CARMIL3: variants seen among roughly 807,000 people sequenced by gnomAD.
CARMIL3 encodes the protein capping protein, Arp2/3 and myosin-I linker protein 3.
CARMIL3 carries 88 observed loss-of-function variants against 180.8 expected under a neutral mutation model. The observed-to-expected ratio is 0.49, with a 90% CI of 0.41 to 0.58. The LOEUF (loss-of-function observed/expected upper bound fraction) is 0.58. Ranked by LOEUF, CARMIL3 falls within the 20% of genes least tolerant of loss-of-function variation. The pLI, the probability that CARMIL3 is intolerant of heterozygous loss-of-function variation, is 0.00. For synonymous variants in CARMIL3, 696 were observed against 714.5 expected (o/e 0.97, Z 0.41); for missense variants, 1,548 against 1,787.0 (o/e 0.87, Z 2.41).
At position 24,065,130 on chromosome 14, in the gene CARMIL3, C is replaced by T; in HGVS notation, c.3253C>T (p.Pro1085Ser). The T allele has an allele frequency of 1.4e-6, 2 of 1,460,980 alleles. No homozygotes were observed. Among genetic ancestry groups the T allele is most frequent in the Non-Finnish European group, 1.8e-6 (2 of 1,105,788 alleles). The allele number at this position is 1,460,980 out of a possible 1,614,324, so 90.5% of individuals were successfully genotyped here. The part of the protein sequence containing the change: ...TGLLLPPPPP[P>S]PPTQESPPSP... The stretch of plus-strand genomic sequence containing the variant: ...ACTCCTCCTCCCTCCACCCCCACCC[C>T]CTCCCCCGACTCAGGAGAGCCCCCC... The change falls in exon 33 of 40, where the codon CCT becomes TCT. Residue 1085 changes from proline to serine, a missense_variant. Coordinates refer to ENST00000342740, the MANE Select transcript of CARMIL3 (RefSeq NM_138360.4).
chr14:24,061,077 C>T lies in CARMIL3; in HGVS notation c.2304+37C>T. On this transcript the variant is annotated intron_variant, in intron 26 of 39. Transcript: ENST00000342740. This position sits in a 1 kb window ranked among gnomAD's most constrained non-coding sequence, Gnocchi z 4.1. ...AGGAGGGAGGAATCCATGGTGGGAA[C>T]CTAGTGTTGACTGAGGCCCTAAGCC... The T allele has an allele frequency of 1.3e-6, 2 of 1,529,124 alleles. No individual in the cohort carries two copies. The highest frequency in any genetic ancestry group is 4.9e-5 in the East Asian group (2 of 40,826). 94.7% of individuals were successfully genotyped at this position (1,529,124 alleles called of 1,614,324 possible).
In CARMIL3 at chr14:24,062,496, G is replaced by A; in HGVS notation, c.2497G>A (p.Val833Ile). Residue 833 changes from valine (V) to isoleucine (I), a missense_variant, in exon 28 of 40, where the codon GTC (valine) becomes ATC (isoleucine). Transcript: ENST00000342740. ...TGCCCACAGTGAAGTGAAGCTCTCAGTCGTCACCTACCTAACCAGCTCCAT... is the reference window on the plus strand; with the variant it reads ...TGCCCACAGTGAAGTGAAGCTCTCAATCGTCACCTACCTAACCAGCTCCAT... The part of the protein sequence containing the change: ...QNKLDEVKLS[V>I]VTYLTSSIVD... The A allele has an allele frequency of 6.2e-7, 1 of 1,614,188 alleles. No individual in the cohort carries two copies. The highest frequency in any genetic ancestry group is 2.2e-5 in the East Asian group (1 of 44,890).
rs1384600069 is a variant in CARMIL3, at chr14:24,059,208, G to A, written c.1626+19G>A. On this transcript the variant is annotated intron_variant, in intron 20 of 39. Coordinates refer to ENST00000342740, the MANE Select transcript of CARMIL3 (RefSeq NM_138360.4). This position sits in a 1 kb window ranked among gnomAD's most constrained non-coding sequence, Gnocchi z 6.3. The stretch of plus-strand genomic sequence containing the variant: ...GGACTGTGTGAGTGCCTGGGCCTGG[G>A]AGGGGACCTGCAGTCGGAGGAGGCT... 1 of 1,613,688 alleles carries A rather than the reference G, an allele frequency of 6.2e-7. No homozygotes were observed.
rs772885015 is a variant in CARMIL3, at chr14:24,055,092, C to G, written c.487C>G (p.Leu163Val). The change falls in exon 7 of 40, where the codon CTG becomes GTG. Residue 163 changes from leucine to valine, a missense_variant. Leu to Val is a conservative substitution (Grantham distance 32, BLOSUM62 1). This residue lies in a region of CARMIL3 where 578 missense variants were observed against 666.5 expected (regional missense o/e 0.87). Transcript: ENST00000342740. The part of the protein sequence containing the change: ...CGGFSETYAA[L>V]CDYNGLHCRE... ...TGGCTTCTCTGAGACCTACGCTGCT[C>G]TGTGTGACTACAATGGGCTACACTG... 3.1e-6 allele frequency: 5 copies of G among 1,613,718 alleles called. No homozygotes were observed. Among genetic ancestry groups the G allele is most frequent in the Admixed American group, 3.3e-5 (2 of 60,020 alleles).
At position 24,060,198 on chromosome 14, in the gene CARMIL3, C is replaced by G; in HGVS notation, c.2004C>G (p.Cys668Trp). ...CLVRNNHSQT[C>W]PQEQAFRLQQ... Reference sequence around the variant, plus strand: ...TGAGGAACAACCACTCCCAGACGTGCCCCCAGGAGCAGGCCTTCAGGTTGC... The same window carrying G: ...TGAGGAACAACCACTCCCAGACGTGGCCCCAGGAGCAGGCCTTCAGGTTGC... Residue 668 changes from cysteine to tryptophan, a missense_variant, in exon 24 of 40, where the codon TGC becomes TGG. Coordinates refer to ENST00000342740, the MANE Select transcript of CARMIL3 (RefSeq NM_138360.4). 6.2e-7 allele frequency: 1 copy of G among 1,614,148 alleles called. No homozygotes were observed. The highest frequency in any genetic ancestry group is 2.2e-5 in the East Asian group (1 of 44,884).
At chr14:24,056,583 C>T in intron 11 of CARMIL3, 39 bp from the exon 12 acceptor site, 1 of 1,602,016 alleles carries the variant, frequency 6.2e-7, no homozygotes, top group Non-Finnish European at 8.6e-7. Flanking sequence ...ACCCACTGCC[C>T]TGCCCCTCAC....
intron 14 of CARMIL3, 71 bp from the exon 15 acceptor site, chr14:24,057,732 G>A (rs571882803): frequency 3.0e-6 from 4 of 1,335,638 alleles, no homozygotes; most frequent in Admixed American, 1.9e-5. Context: ...TGGGGAGGGA[G>A]GGGGAGTCCT....
rs1269266748 is a variant in CARMIL3 at position 24,068,783 on chromosome 14, C to T, written c.3802-3C>T. ...TGACCCAGCATCTTCCTTCCTCTGC[C>T]AGCTACAGGACCCCGCTCTAGCTCC... On this transcript the variant is annotated splice_region_variant and splice_polypyrimidine_tract_variant and intron_variant, in intron 37 of 39. Coordinates refer to ENST00000342740, the MANE Select transcript of CARMIL3 (RefSeq NM_138360.4). The T allele has an allele frequency of 1.2e-6, 2 of 1,613,932 alleles. No homozygotes were observed. The highest frequency in any genetic ancestry group is 1.3e-5 in the African/African-American group (1 of 74,926).
At chr14:24,069,067 T>C in intron 38 of CARMIL3, 70 bp from the exon 39 acceptor site, 1 of 1,598,380 alleles carries the variant, frequency 6.3e-7, no homozygotes, top group South Asian at 1.1e-5. Flanking sequence ...CAACCAGGAG[T>C]CACAGCCTGG....
intron 31 of CARMIL3, 130 bp downstream of exon 31, chr14:24,063,663 T>G (rs1200556037): frequency 1.2e-6 from 1 of 847,824 alleles, no homozygotes; most frequent in African/African-American, 1.7e-5. Flanking sequence ...GGCATGCCAA[T>G]GAACAGATGA....
rs2035649647 is a variant in CARMIL3 at position 24,054,281 on chromosome 14, A to C, written c.226A>C (p.Asn76His). 2 of 1,614,188 alleles carry C rather than the reference A, an allele frequency of 1.2e-6. No individual in the cohort carries two copies. Among genetic ancestry groups the C allele is most frequent in the Non-Finnish European group, 1.7e-6 (2 of 1,180,028 alleles). The change falls in exon 4 of 40, where the codon AAC becomes CAC. Residue 76 changes from asparagine (N) to histidine (H), a missense_variant. By Grantham distance (68) the Asn-to-His change is moderately conservative (BLOSUM62 1). Transcript: ENST00000342740. The surrounding 1 kb of genome is among the most constrained non-coding windows in gnomAD (Gnocchi z 5.1). ...SFNVLEIRAF[N>H]TLSQNQILVE... ...CAATGTCCTGGAGATCCGTGCCTTC[A>C]ACACGCTCAGTCAGAATCAGGTGAG...
rs762432107 is a variant in CARMIL3, at chr14:24,058,186, C to T, written c.1354C>T (p.His452Tyr). 5.6e-6 allele frequency: 9 copies of T among 1,613,860 alleles called. 1 individual carries two copies. In the South Asian group the frequency reaches 8.8e-5, roughly 16 times the overall value. ...GCTTCAGGGCCTCTCCCTCAACAGT[C>T]ACCTCAGTGACCTGCACCTGGATCT... ...ALLQGLSLNS[H>Y]LSDLHLDLSS... The change falls in exon 17 of 40, where the codon CAC (histidine) becomes TAC (tyrosine). Residue 452 changes from histidine to tyrosine, a missense_variant. Physicochemically the swap from His to Tyr is moderately conservative, Grantham distance 83. Around this residue, in one of 4 missense-constraint regions of CARMIL3, gnomAD observed 578 missense variants for 666.5 expected, o/e 0.87. Coordinates refer to ENST00000342740, the MANE Select transcript of CARMIL3 (RefSeq NM_138360.4). The surrounding 1 kb of genome is among the most constrained non-coding windows in gnomAD (Gnocchi z 6.4).
Position 24,060,225 on chromosome 14 carries a change from G to A in CARMIL3, c.2031G>A (p.Gln677=). Reference sequence around the variant, plus strand: ...CCCAGGAGCAGGCCTTCAGGTTGCAGCAGGGCCTGGTGACCAGCAGCGCCG... The same window carrying A: ...CCCAGGAGCAGGCCTTCAGGTTGCAACAGGGCCTGGTGACCAGCAGCGCCG... ...TCPQEQAFRL[Q]QGLVTSSAEQ... is the part of the protein sequence containing the mutation. The change falls in exon 24 of 40, where the codon CAG becomes CAA. Residue 677 remains glutamine, a synonymous_variant. Transcript: ENST00000342740. The A allele has an allele frequency of 1.2e-6, 2 of 1,614,178 alleles. No individual in the cohort carries two copies. The highest frequency in any genetic ancestry group is 2.2e-5 in the East Asian group (1 of 44,878).
At position 24,058,292 on chromosome 14, in the gene CARMIL3, A is replaced by C. The variant is rs1281310567; in HGVS notation, c.1392+68A>C. ...TGTGCATTTCTCAGACCTAAGTCAA[A>C]CCCTGGCTCCATCTAGCCTCTGTGC... On this transcript the variant is annotated intron_variant, in intron 17 of 39. Transcript: ENST00000342740. The surrounding 1 kb of genome is among the most constrained non-coding windows in gnomAD (Gnocchi z 6.4). The C allele has an allele frequency of 2.6e-5, 39 of 1,524,714 alleles. No individual in the cohort carries two copies. Among genetic ancestry groups the C allele is most frequent in the Non-Finnish European group, 3.5e-5 (39 of 1,123,658 alleles). The allele number at this position is 1,524,714 out of a possible 1,614,324, so 94.4% of individuals were successfully genotyped here.
At position 24,067,631 on chromosome 14, in the gene CARMIL3, C is replaced by A. The variant is rs529259628; in HGVS notation, c.3683-953C>A. 3.2e-4 allele frequency among the ~76,000 whole-genome samples: 49 copies of A among 152,402 alleles called. No individual in the cohort carries two copies. In the South Asian group the frequency reaches 9.9e-3, roughly 31 times the overall value. On this transcript the variant is annotated intron_variant, in intron 36 of 39. Transcript: ENST00000342740. ...TCCTTGCCTCCTCCTCCAAGGCCAA[C>A]CCAGCACTGGGGGCATCTTTGCTGA...
chr14:24,056,065 G>A (rs8017358), intron 10 of CARMIL3, among the ~76,000 whole-genome samples: 59,231 of 152,018 alleles, frequency 0.39, 13,687 homozygotes, highest in Middle Eastern at 0.57. Context: ...GGCTGCTCCA[G>A]TCTTGAGGAC....
Position 24,068,642 on chromosome 14 carries a change from G to A in CARMIL3, c.3741G>A (p.Gly1247=). The A allele has an allele frequency of 6.2e-7, 1 of 1,613,988 alleles. No individual in the cohort carries two copies. Among genetic ancestry groups the A allele is most frequent in the Non-Finnish European group, 8.5e-7 (1 of 1,179,978 alleles). ...GTCCCAGCCCAGCCTCCCAAGATGG[G>A]GAAGAGGAGAAGGAGGGGACCCTCT... ...CQSPSPASQD[G]EEEKEGTLFP... The change falls in exon 37 of 40, where the codon GGG becomes GGA. Residue 1247 remains glycine, a synonymous_variant. Transcript: ENST00000342740.
At position 24,063,151 on chromosome 14, in the gene CARMIL3, G is replaced by A; in HGVS notation, c.2738G>A (p.Cys913Tyr). The change falls in exon 30 of 40, where the codon TGC becomes TAC. Residue 913 changes from cysteine to tyrosine, a missense_variant. By Grantham distance (194) the Cys-to-Tyr change is radical. Transcript: ENST00000342740. Reference sequence around the variant, plus strand: ...ATGGCCATCAAAAAGCAGAAACGCTGCCGCAAGATTCGGCCGGTGTCTGCC... The same window carrying A: ...ATGGCCATCAAAAAGCAGAAACGCTACCGCAAGATTCGGCCGGTGTCTGCC... ...DTMAIKKQKRCRKIRPVSAFI... is the reference protein window; with the variant it reads ...DTMAIKKQKRYRKIRPVSAFI... 6.2e-7 allele frequency: 1 copy of A among 1,613,582 alleles called. No individual in the cohort carries two copies.
At chr14:24,052,328 G>C in intron 1 of CARMIL3, 135 bp downstream of exon 1, 5 of 848,716 alleles carry the variant, frequency 5.9e-6, no homozygotes, top group Non-Finnish European at 8.5e-6. Context: ...GGCAGCCCCT[G>C]CATTCCAGTC....
Sources: gnomAD v4.1 joint callset for allele counts (sites outside exome capture counted in the v4.1 genomes callset) on GRCh38, gnomAD v4.1.1 for gene constraint, gnomAD v4.1.1 regional missense constraint, Gnocchi (gnomAD v3.1) non-coding constraint, MANE v1.5 for transcripts, NCBI Gene and HGNC (gene_info 2026-07-23, HGNC 2026-07-21) for gene names.